TJP1: variants seen among roughly 807,000 people sequenced by gnomAD.
The protein encoded by TJP1 is tight junction protein ZO-1.
A neutral mutation model predicts 194.2 loss-of-function variants in TJP1; 43 were observed. The ratio of observed to expected loss-of-function variants is 0.22; its 90% confidence interval spans 0.17 to 0.29. TJP1 has a LOEUF of 0.29. Among genes scored for constraint, TJP1 ranks in the 10% least tolerant of loss-of-function variants. The pLI, the probability that TJP1 is intolerant of heterozygous loss-of-function variation, is 1.00. For synonymous variants in TJP1, 801 were observed against 779.0 expected (o/e 1.03, Z -0.47); for missense variants, 1,971 against 2,185.7 (o/e 0.90, Z 1.96).
intron 2 of TJP1, among the ~76,000 whole-genome samples, chr15:29,879,516 C>T (rs1012146292): frequency 6.6e-6 from 1 of 152,162 alleles, no homozygotes; most frequent in East Asian, 1.9e-4. Flanking sequence ...TCTAAGGCTG[C>T]ATTAATGATT....
In TJP1 at chr15:29,705,786, T is replaced by A. The variant is rs1206686199; in HGVS notation, c.4851-41A>T. On this transcript the variant is annotated intron_variant, in intron 25 of 27. Coordinates refer to ENST00000614355, the MANE Select transcript of TJP1 (RefSeq NM_001330239.4). Reference sequence around the variant, plus strand: ...TGGCTAGTGAGTGAATTCCTAATAATACACAGGTGCTTTGCTTTTACTACT... The same window carrying A: ...TGGCTAGTGAGTGAATTCCTAATAAAACACAGGTGCTTTGCTTTTACTACT... The A allele has an allele frequency of 2.5e-6, 4 of 1,572,944 alleles. No homozygotes were observed. The South Asian group carries it at 4.4e-5, about 17-fold the overall frequency.
intron 2 of TJP1, among the ~76,000 whole-genome samples, chr15:29,840,812 G>A (rs2051198302): frequency 6.6e-6 from 1 of 152,166 alleles, no homozygotes; most frequent in Non-Finnish European, 1.5e-5. Context: ...GAAGGTCTCA[G>A]TATTCAAAGA....
rs117333375 is a variant in TJP1 at position 29,780,821 on chromosome 15, T to C, written c.85-7464A>G. Among the ~76,000 whole-genome samples the C allele has an allele frequency of 3.8e-3, 573 of 152,018 alleles. 3 individuals are homozygous for C. Among genetic ancestry groups the C allele is most frequent in the Middle Eastern group, 0.01 (3 of 294 alleles). On this transcript the variant is annotated intron_variant, in intron 2 of 27. Coordinates refer to ENST00000614355, the MANE Select transcript of TJP1 (RefSeq NM_001330239.4). ...GATAGGAATATAAGACCAAAAAACA[T>C]CTTAAGAGAAAAAGTAAAAAAGAAA... is the stretch of plus-strand genomic sequence containing the variant.
intron 2 of TJP1, among the ~76,000 whole-genome samples, chr15:29,915,071 A>G (rs1409300083): frequency 6.6e-6 from 1 of 152,216 alleles, no homozygotes; most frequent in Non-Finnish European, 1.5e-5. Flanking sequence ...AATGCTGCCA[A>G]ATCAGGTGTG....
chr15:29,740,593 C>A (rs921215372), intron 10 of TJP1, among the ~76,000 whole-genome samples: 5 of 151,602 alleles, frequency 3.3e-5, no homozygotes, highest in Non-Finnish European at 5.9e-5. Flanking sequence ...GATTGCACCA[C>A]GGCACTCCAG....
chr15:29,847,642 G>A (rs182645161), intron 2 of TJP1, among the ~76,000 whole-genome samples: 44 of 152,168 alleles, frequency 2.9e-4, no homozygotes, highest in East Asian at 1.5e-3. Flanking sequence ...AAAATTAGCC[G>A]GGCGAGGTGG....
chr15:29,967,680 T>C (rs78331763), intron 1 of TJP1, among the ~76,000 whole-genome samples: 81 of 152,336 alleles, frequency 5.3e-4, no homozygotes, highest in East Asian at 3.9e-3. Context: ...TCACGCTATA[T>C]ACTTTTTTGG....
chr15:29,949,415 TCTACCTCCACAA>T (rs2055462861), intron 2 of TJP1, among the ~76,000 whole-genome samples: 25 of 109,184 alleles, frequency 2.3e-4, no homozygotes, highest in South Asian at 3.6e-4. Flanking sequence ...AACCACCACC[TCTACCTCCACAA>T]CCACCACCTC....
chr15:29,770,876 T>A (rs2151622806), intron 4 of TJP1, among the ~76,000 whole-genome samples: 1 of 152,028 alleles, frequency 6.6e-6, no homozygotes, highest in East Asian at 1.9e-4. Flanking sequence ...ATTAAATACA[T>A]TAAAAATATT....
intron 2 of TJP1, 55 bp from the exon 3 acceptor site, chr15:29,773,412 A>G: frequency 6.4e-7 from 1 of 1,565,172 alleles, no homozygotes; most frequent in East Asian, 2.3e-5. Flanking sequence ...TAATTGTTAT[A>G]TCATACTCTA....
At chr15:29,799,515 C>T (rs183258609) in intron 2 of TJP1, among the ~76,000 whole-genome samples, 141 of 151,696 alleles carry the variant, frequency 9.3e-4, no homozygotes, top group African/African-American at 2.9e-3. Flanking sequence ...CCTGGGTTCA[C>T]GCCATTCTCC....
intron 1 of TJP1, among the ~76,000 whole-genome samples, chr15:29,966,915 T>G (rs1215174018): frequency 1.3e-5 from 2 of 152,174 alleles, no homozygotes; most frequent in Non-Finnish European, 2.9e-5. Flanking sequence ...GTAGTGACAG[T>G]CTTCATTTAT....
intron 1 of TJP1, among the ~76,000 whole-genome samples, chr15:29,802,743 TTAAGAA>T (rs2048869921): frequency 6.6e-6 from 1 of 152,188 alleles, no homozygotes; most frequent in Non-Finnish European, 1.5e-5. Context: ...TCAGCTGATA[TTAAGAA>T]TGAGAACTGC....
intron 21 of TJP1, 21 bp downstream of exon 21, chr15:29,718,245 A>G (rs775958878): frequency 6.2e-7 from 1 of 1,605,772 alleles, no homozygotes; most frequent in Non-Finnish European, 8.5e-7. Flanking sequence ...CATGCATCCA[A>G]GGCACTAAAG....
intron 2 of TJP1, among the ~76,000 whole-genome samples, chr15:29,940,948 C>G (rs1348785550): frequency 6.6e-6 from 1 of 152,090 alleles, no homozygotes; most frequent in East Asian, 1.9e-4. Flanking sequence ...TGCACTGTGC[C>G]ACTTTCACAG....
chr15:29,907,281 C>A (rs528753301), intron 2 of TJP1, among the ~76,000 whole-genome samples: 1 of 151,896 alleles, frequency 6.6e-6, no homozygotes, highest in Non-Finnish European at 1.5e-5. Flanking sequence ...TGGTGGCGGG[C>A]GCCTGTAGCC....
chr15:29,780,854 A>G (rs898313450), intron 2 of TJP1, among the ~76,000 whole-genome samples: 2 of 152,164 alleles, frequency 1.3e-5, no homozygotes, highest in Non-Finnish European at 2.9e-5. Flanking sequence ...AAATCAACCT[A>G]ACATCCTAAC....
At chr15:29,812,175 G>A (rs1303537857) in intron 1 of TJP1, among the ~76,000 whole-genome samples, 1 of 152,180 alleles carries the variant, frequency 6.6e-6, no homozygotes, top group Non-Finnish European at 1.5e-5. Context: ...TAAAACTTAA[G>A]AGTTGCTCGG....
chr15:29,930,306 C>T (rs972818313), intron 2 of TJP1, among the ~76,000 whole-genome samples: 12 of 152,152 alleles, frequency 7.9e-5, no homozygotes, highest in Admixed American at 7.2e-4. Flanking sequence ...ATCTCACTTA[C>T]TAACAGATTT....
Sources: gnomAD v4.1 joint callset for allele counts (sites outside exome capture counted in the v4.1 genomes callset) on GRCh38, gnomAD v4.1.1 for gene constraint, MANE v1.5 for transcripts, NCBI Gene and HGNC (gene_info 2026-07-23, HGNC 2026-07-21) for gene names.